PDE4D: variants seen among roughly 807,000 people sequenced by gnomAD.
The protein encoded by PDE4D is phosphodiesterase 4D, also known as 3',5'-cyclic-AMP phosphodiesterase 4D.
PDE4D carries 24 observed loss-of-function variants against 87.4 expected under a neutral mutation model. That is an observed-to-expected ratio of 0.27 (90% CI 0.20 to 0.39). The LOEUF (loss-of-function observed/expected upper bound fraction) is 0.39. Among genes scored for constraint, PDE4D ranks in the 10% least tolerant of loss-of-function variants. PDE4D has a pLI of 1.00. For missense variants in PDE4D, 714 were observed against 1,041.0 expected, an observed-to-expected ratio of 0.69 and a Z score of 4.32; for synonymous variants, 384 against 383.2, an observed-to-expected ratio of 1.00 and a Z score of -0.02.
chr5:59,861,600 T>C (rs1392938979), intron 1 of PDE4D, among the ~76,000 whole-genome samples: 5 of 152,246 alleles, frequency 3.3e-5, no homozygotes, highest in South Asian at 2.1e-4. Context: ...AGTAGCGCTC[T>C]ACTTTTCAGA....
At chr5:59,658,065 A>C (rs1432251340) in intron 1 of PDE4D, among the ~76,000 whole-genome samples, 1 of 152,186 alleles carries the variant, frequency 6.6e-6, no homozygotes, top group East Asian at 1.9e-4. Flanking sequence ...ATTATACTTA[A>C]GGTGAAGCTT....
chr5:60,278,491 C>A (rs1017630397), intron 1 of PDE4D, among the ~76,000 whole-genome samples: 1 of 152,018 alleles, frequency 6.6e-6, no homozygotes, highest in African/African-American at 2.4e-5. Flanking sequence ...CATCCCATCC[C>A]TCTTTCTCGT....
chr5:59,777,781 A>T (rs1287735716), intron 1 of PDE4D, among the ~76,000 whole-genome samples: 1 of 152,208 alleles, frequency 6.6e-6, no homozygotes, highest in Non-Finnish European at 1.5e-5. Flanking sequence ...CAATTTCTAA[A>T]ATAACTTATA....
chr5:59,799,231 A>G (rs2152662440), intron 1 of PDE4D, among the ~76,000 whole-genome samples: 1 of 152,308 alleles, frequency 6.6e-6, no homozygotes, highest in Middle Eastern at 3.4e-3. Flanking sequence ...TTCATTGACA[A>G]CTTTGGGGTC....
chr5:59,275,863 A>C, intron 1 of PDE4D: 2 of 985,764 alleles, frequency 2.0e-6, no homozygotes, highest in Non-Finnish European at 2.4e-6. Context: ...AGAGCTGTCA[A>C]GGAAGTTCCA....
At chr5:59,333,563 A>G (rs1476357745) in intron 1 of PDE4D, among the ~76,000 whole-genome samples, 5 of 152,218 alleles carry the variant, frequency 3.3e-5, no homozygotes, top group African/African-American at 1.2e-4. Context: ...CATTTCCAAC[A>G]GAAATCCAGG....
In PDE4D at chr5:59,960,501, C is replaced by T. The variant is rs368352462; in HGVS notation, c.272+27987G>A. Among the ~76,000 whole-genome samples, 5 of 152,280 alleles carry T rather than the reference C, an allele frequency of 3.3e-5. No homozygotes were observed. The South Asian group carries it at 1.0e-3, about 32-fold the overall frequency. On this transcript the variant is annotated intron_variant, in intron 3 of 16. Transcript: ENST00000502484. The stretch of plus-strand genomic sequence containing the variant: ...GGATAAAGAAAATATGGTACATATA[C>T]ACTGTGGAATACTACACAGCCACAA...
At chr5:59,499,936 C>G (rs1807990135) in intron 1 of PDE4D, among the ~76,000 whole-genome samples, 1 of 151,702 alleles carries the variant, frequency 6.6e-6, no homozygotes, top group Non-Finnish European at 1.5e-5. Context: ...CAGTATCTTT[C>G]TGATACCAAA....
At chr5:59,077,589 C>G (rs909884829) in intron 5 of PDE4D, among the ~76,000 whole-genome samples, 1 of 151,726 alleles carries the variant, frequency 6.6e-6, no homozygotes, top group African/African-American at 2.4e-5. Flanking sequence ...TGCATCAGCC[C>G]CCTGAGTAGC....
chr5:60,127,872 T>C (rs1451881644), intron 2 of PDE4D, among the ~76,000 whole-genome samples: 1 of 152,052 alleles, frequency 6.6e-6, no homozygotes, highest in Non-Finnish European at 1.5e-5. Flanking sequence ...GCATGGGAAG[T>C]ATAGTGTAAG....
At position 58,975,679 on chromosome 5, in the gene PDE4D, T is replaced by C. The variant is rs752409059; in HGVS notation, c.1991A>G (p.Asn664Ser). The C allele has an allele frequency of 3.7e-6, 6 of 1,609,246 alleles. No individual in the cohort carries two copies. Among genetic ancestry groups the C allele is most frequent in the Non-Finnish European group, 5.1e-6 (6 of 1,177,700 alleles). ...TACCTGTGATTTTTCCACGGAAGCA[T>C]TGTGCTTGTCACACATGGGGCTTAT... ...MEISPMCDKH[N>S]ASVEKSQVGF... Residue 664 changes from asparagine to serine, a missense_variant, in exon 14 of 15, where the codon AAT becomes AGT. Around this residue, in one of 7 missense-constraint regions of PDE4D, gnomAD observed 97 missense variants for 176.9 expected, o/e 0.55. Coordinates refer to ENST00000340635, the MANE Select transcript of PDE4D (RefSeq NM_001104631.2). This position sits in a 1 kb window ranked among gnomAD's most constrained non-coding sequence, Gnocchi z 4.2.
At chr5:60,263,926 T>C (rs962306229) in intron 1 of PDE4D, among the ~76,000 whole-genome samples, 5 of 151,594 alleles carry the variant, frequency 3.3e-5, no homozygotes, top group Admixed American at 2.6e-4. Flanking sequence ...ATAATATCAC[T>C]ACATGTGAAA....
At chr5:59,563,394 G>T (rs761964763) in intron 1 of PDE4D, among the ~76,000 whole-genome samples, 10 of 152,190 alleles carry the variant, frequency 6.6e-5, no homozygotes, top group African/African-American at 9.7e-5. Context: ...AAATAAGAAT[G>T]CAATTATCTG....
At chr5:60,106,802 G>C (rs1254662162) in intron 2 of PDE4D, among the ~76,000 whole-genome samples, 2 of 151,960 alleles carry the variant, frequency 1.3e-5, no homozygotes, top group Non-Finnish European at 2.9e-5. Flanking sequence ...GATATTCTTT[G>C]AAACCAACGA....
chr5:60,011,986 C>G (rs1533019), intron 2 of PDE4D, among the ~76,000 whole-genome samples: 1 of 151,954 alleles, frequency 6.6e-6, no homozygotes, highest in South Asian at 2.1e-4. Context: ...CTGACCATGA[C>G]AGCCACTAAC....
At chr5:59,264,162 C>G (rs1762470993) in intron 1 of PDE4D, among the ~76,000 whole-genome samples, 1 of 151,942 alleles carries the variant, frequency 6.6e-6, no homozygotes, top group Non-Finnish European at 1.5e-5. Context: ...TGGCAAGCAG[C>G]CACACTATGT....
At chr5:59,639,987 T>C (rs1377200062) in intron 1 of PDE4D, among the ~76,000 whole-genome samples, 2 of 152,066 alleles carry the variant, frequency 1.3e-5, no homozygotes, top group Non-Finnish European at 2.9e-5. Context: ...AGCTTTTGTC[T>C]TATTATAAAC....
intron 1 of PDE4D, among the ~76,000 whole-genome samples, chr5:60,479,384 C>A: frequency 6.6e-6 from 1 of 152,108 alleles, no homozygotes; most frequent in East Asian, 1.9e-4. Flanking sequence ...ACAGCTTCAC[C>A]ACCTCTTAAT....
intron 1 of PDE4D, chr5:59,314,737 A>G (rs1773359070): frequency 6.6e-6 from 1 of 152,176 alleles, no homozygotes; most frequent in Non-Finnish European, 1.5e-5. Flanking sequence ...GAACTCTGTA[A>G]AATCTGCTCT....
Sources: allele counts gnomAD v4.1 joint callset (sites outside exome capture counted in the v4.1 genomes callset), GRCh38; gene constraint gnomAD v4.1.1; regional missense constraint gnomAD v4.1.1; non-coding constraint Gnocchi (gnomAD v3.1); transcripts MANE v1.5; gene names NCBI Gene and HGNC (gene_info 2026-07-23, HGNC 2026-07-21).